The following UACA variants were observed in gnomAD, a reference collection of about 807,000 sequenced individuals.
UACA encodes the protein uveal autoantigen with coiled-coil domains and ankyrin repeats, also known as nuclear membrane binding protein.
A neutral mutation model predicts 160.5 loss-of-function variants in UACA; 112 were observed. The ratio of observed to expected loss-of-function variants is 0.70; its 90% CI spans 0.60 to 0.82. The LOEUF is 0.82. Ranked by LOEUF, UACA falls within the 40% of genes least tolerant of loss-of-function variation. The pLI, the probability that UACA is intolerant of heterozygous loss-of-function variation, is 0.00. For synonymous variants in UACA, 557 were observed against 568.4 expected, an observed-to-expected ratio of 0.98 and a Z score of 0.29; for missense variants, 1,574 against 1,614.6, an observed-to-expected ratio of 0.97 and a Z score of 0.43.
At chr15:70,708,924 A>G (rs554644360) in intron 1 of UACA, among the ~76,000 whole-genome samples, 1 of 152,214 alleles carries the variant, frequency 6.6e-6, no homozygotes, top group African/African-American at 2.4e-5. Flanking sequence ...TATTCTCTCA[A>G]GTTCTGTAAT....
chr15:70,666,789 T>C lies in UACA; in HGVS notation c.3895A>G (p.Thr1299Ala). The stretch of plus-strand genomic sequence containing the variant: ...ATTCTTCTTTGTAACTCTGTGATTG[T>C]TGTTAAGGACTTATCACATCGTTCC... ...QKERCDKSLT[T>A]ITELQRRIQE... The change falls in exon 16 of 19, where the codon ACA becomes GCA. Residue 1299 changes from threonine (T) to alanine (A), a missense_variant. Coordinates refer to ENST00000322954, the MANE Select transcript of UACA (RefSeq NM_018003.4). 6.2e-7 allele frequency: 1 copy of C among 1,611,432 alleles called. No individual in the cohort carries two copies. Among genetic ancestry groups the C allele is most frequent in the Non-Finnish European group, 8.5e-7 (1 of 1,179,358 alleles).
At chr15:70,764,096 C>T (rs535686184), upstream of UACA, among the ~76,000 whole-genome samples, 6 of 152,156 alleles carry the variant, frequency 3.9e-5, no homozygotes, top group Non-Finnish European at 7.3e-5. Flanking sequence ...TGCAGAAAAA[C>T]GTACAGTTAA....
chr15:70,683,050 G>T (rs746186998), intron 8 of UACA, among the ~76,000 whole-genome samples: 1 of 151,980 alleles, frequency 6.6e-6, no homozygotes, highest in African/African-American at 2.4e-5. Flanking sequence ...ATTGGAGGCA[G>T]GTAAAAAATG....
intron 9 of UACA, among the ~76,000 whole-genome samples, chr15:70,681,122 CTGTTT>C (rs975166285): frequency 1.2e-4 from 18 of 152,172 alleles, no homozygotes; most frequent in Non-Finnish European, 2.2e-4. Flanking sequence ...TCCCTTAATT[CTGTTT>C]TGTTTTTCTT....
the UACA span, among the ~76,000 whole-genome samples, chr15:70,775,097 A>T: frequency 6.6e-6 from 1 of 152,130 alleles, no homozygotes; most frequent in African/African-American, 2.4e-5. Flanking sequence ...CTTCAGACAG[A>T]AAGTCCCAAC....
intron 1 of UACA, among the ~76,000 whole-genome samples, chr15:70,743,873 T>C (rs1457871728): frequency 2.0e-5 from 3 of 152,012 alleles, no homozygotes; most frequent in African/African-American, 7.3e-5. Flanking sequence ...TCATTTTAAG[T>C]ATAAAGATTA....
At chr15:70,764,439 A>G (rs2141023264), upstream of UACA, among the ~76,000 whole-genome samples, 1 of 152,366 alleles carries the variant, frequency 6.6e-6, no homozygotes. Context: ...CTCAGCACCC[A>G]ATAATTTGCT....
At chr15:70,693,896 C>T (rs1179775691) in intron 3 of UACA, among the ~76,000 whole-genome samples, 1 of 152,112 alleles carries the variant, frequency 6.6e-6, no homozygotes, top group African/African-American at 2.4e-5. Flanking sequence ...AAACACATTT[C>T]TTTGTTCACT....
chr15:70,773,216 G>A, the UACA span, among the ~76,000 whole-genome samples: 4 of 152,300 alleles, frequency 2.6e-5, no homozygotes, highest in African/African-American at 9.6e-5. Context: ...ACTGAAAGAT[G>A]GAGAAGCACA....
chr15:70,716,715 A>G (rs1898831214), intron 1 of UACA, among the ~76,000 whole-genome samples: 1 of 152,214 alleles, frequency 6.6e-6, no homozygotes, highest in Non-Finnish European at 1.5e-5. Context: ...AATAGATACA[A>G]TATTAATAAT....
At chr15:70,713,071 G>T (rs900741075) in intron 1 of UACA, among the ~76,000 whole-genome samples, 1 of 152,140 alleles carries the variant, frequency 6.6e-6, no homozygotes, top group East Asian at 1.9e-4. Context: ...AGAGCCGGGC[G>T]CAGTGGCTCA....
chr15:70,692,896 C>T (rs1466691177), intron 3 of UACA, among the ~76,000 whole-genome samples: 5 of 152,200 alleles, frequency 3.3e-5, no homozygotes, highest in African/African-American at 7.2e-5. Context: ...GTCACTTCCA[C>T]GTAGCTGACT....
intron 17 of UACA, chr15:70,660,768 T>TG (rs1896676774): frequency 6.6e-6 from 1 of 152,378 alleles, no homozygotes; most frequent in African/African-American, 2.4e-5. Flanking sequence ...TTTCACTTTC[T>TG]CTATTTCTGT....
chr15:70,680,642 C>T (rs1288851464), intron 9 of UACA, among the ~76,000 whole-genome samples: 1 of 152,216 alleles, frequency 6.6e-6, no homozygotes, highest in Non-Finnish European at 1.5e-5. Flanking sequence ...CTCACCTGAT[C>T]ATACCACTTT....
chr15:70,679,524 C>T (rs1897416409), intron 10 of UACA, 84 bp downstream of exon 10: 2 of 877,468 alleles, frequency 2.3e-6, no homozygotes, highest in East Asian at 6.1e-5. Context: ...CACCCATTCT[C>T]TTGCTTCCTC....
intron 11 of UACA, 58 bp from the exon 12 acceptor site, chr15:70,677,198 T>A: frequency 7.6e-7 from 1 of 1,307,464 alleles, no homozygotes; most frequent in Non-Finnish European, 1.1e-6. Flanking sequence ...TTAAAAGGCA[T>A]GAACTTGGCA....
Position 70,666,796 on chromosome 15 carries a change from G to C in UACA, c.3888C>G (p.Ser1296=), listed in dbSNP as rs1388262388. Residue 1296 remains serine, a synonymous_variant, in exon 16 of 19, where the codon TCC becomes TCG. Transcript: ENST00000322954. The part of the protein sequence containing the change: ...IKDQKERCDK[S]LTTITELQRR... ...TTTGTAACTCTGTGATTGTTGTTAAGGACTTATCACATCGTTCCTTCTGAT... is the reference window on the plus strand; with the variant it reads ...TTTGTAACTCTGTGATTGTTGTTAACGACTTATCACATCGTTCCTTCTGAT... 3.1e-6 allele frequency: 5 copies of C among 1,613,148 alleles called. No individual in the cohort carries two copies. Among genetic ancestry groups the C allele is most frequent in the African/African-American group, 2.7e-5 (2 of 74,870 alleles).
At chr15:70,718,083 C>T (rs971465903) in intron 1 of UACA, among the ~76,000 whole-genome samples, 4 of 150,742 alleles carry the variant, frequency 2.7e-5, no homozygotes, top group Admixed American at 1.3e-4. Flanking sequence ...AGTTTTATTT[C>T]TCTGGATAAC....
rs911987815 is a variant in UACA, at chr15:70,700,326, C to T, written c.79-666G>A. On this transcript the variant is annotated intron_variant, in intron 1 of 18. Coordinates refer to ENST00000322954, the MANE Select transcript of UACA (RefSeq NM_018003.4). ...GTATATATATATATATATACACACA[C>T]ACACACACACACACATTCTATACAG... 5.1e-5 allele frequency among the ~76,000 whole-genome samples: 6 copies of T among 117,366 alleles called. 1 individual carries two copies. In the South Asian group the frequency reaches 1.1e-3, roughly 21 times the overall value. The allele number at this position is 117,366 out of a possible 152,430, so 77.0% of individuals were successfully genotyped here. A position where few individuals can be genotyped will look rare whatever the true frequency, so the allele number is the denominator to read the frequency against.
Sources: allele counts gnomAD v4.1 joint callset (sites outside exome capture counted in the v4.1 genomes callset), GRCh38; gene constraint gnomAD v4.1.1; transcripts MANE v1.5; gene names NCBI Gene and HGNC (gene_info 2026-07-23, HGNC 2026-07-21).